The following CCDC158 variants were observed in gnomAD, a reference collection of about 807,000 sequenced individuals.
CCDC158 encodes coiled-coil domain-containing protein 158.
Under a neutral mutation model 138.6 loss-of-function variants are expected in CCDC158, and 116 were observed. The ratio of observed to expected loss-of-function variants is 0.84; its 90% CI spans 0.72 to 0.98. The LOEUF (loss-of-function observed/expected upper bound fraction) is 0.98. Ranked by LOEUF, CCDC158 falls within the 50% of genes least tolerant of loss-of-function variation. CCDC158 has a pLI of 0.00. For missense variants in CCDC158, 1,265 were observed against 1,306.1 expected (o/e 0.97, Z 0.48); for synonymous variants, 436 against 442.4 (o/e 0.99, Z 0.18).
chr4:76,376,005 T>A (rs1402935250), intron 9 of CCDC158, among the ~76,000 whole-genome samples: 1 of 152,176 alleles, frequency 6.6e-6, no homozygotes, highest in East Asian at 1.9e-4. Context: ...ATAAAACATG[T>A]TGATGTTTAA....
intron 1 of CCDC158, among the ~76,000 whole-genome samples, chr4:76,415,748 G>A (rs1397739031): frequency 2.6e-5 from 4 of 152,160 alleles, no homozygotes; most frequent in Non-Finnish European, 4.4e-5. Context: ...TGTTATGCCC[G>A]GACAGGGCCA....
At chr4:76,371,939 CAA>C (rs539607968) in intron 9 of CCDC158, among the ~76,000 whole-genome samples, 6 of 65,424 alleles carry the variant, frequency 9.2e-5, no homozygotes, top group Admixed American at 3.4e-4. Context: ...ACTACATCTC[CAA>C]AAAAAAAAAA....
At chr4:76,359,865 G>A (rs1723961768) in intron 13 of CCDC158, among the ~76,000 whole-genome samples, 1 of 152,250 alleles carries the variant, frequency 6.6e-6, no homozygotes, top group Admixed American at 6.5e-5. Context: ...ATTCAAGGCT[G>A]CAGAAATTTG....
chr4:76,410,664 T>C (rs1395211888), intron 2 of CCDC158, among the ~76,000 whole-genome samples: 1 of 152,220 alleles, frequency 6.6e-6, no homozygotes, highest in African/African-American at 2.4e-5. Flanking sequence ...CAGGTATGTT[T>C]TCCTTGGGAA....
intron 1 of CCDC158, among the ~76,000 whole-genome samples, chr4:76,414,943 C>T (rs1285847837): frequency 2.6e-5 from 4 of 152,122 alleles, no homozygotes; most frequent in East Asian, 3.8e-4. Flanking sequence ...AATGTGGACG[C>T]GACTTTGCAA....
Position 76,344,162 on chromosome 4 carries a change from G to C in CCDC158, c.2664+6834C>G, listed in dbSNP as rs903489713. Among the ~76,000 whole-genome samples, 23 of 152,092 alleles carry C rather than the reference G, an allele frequency of 1.5e-4. No individual in the cohort carries two copies. The South Asian group carries it at 1.7e-3, about 11-fold the overall frequency. ...ATAAGTAACTTCAGCAAAGTCTCAG[G>C]ATACAAAATCAATGGGCAAAAATCA... is the stretch of plus-strand genomic sequence containing the variant. On this transcript the variant is annotated intron_variant, in intron 18 of 24. Coordinates refer to ENST00000682701, the MANE Select transcript of CCDC158 (RefSeq NM_001394954.1).
intron 1 of CCDC158, among the ~76,000 whole-genome samples, chr4:76,417,165 A>G (rs1729765136): frequency 6.6e-6 from 1 of 152,176 alleles, no homozygotes; most frequent in Admixed American, 6.5e-5. Flanking sequence ...TTGTAGCTTT[A>G]AAATTTGACT....
intron 4 of CCDC158, among the ~76,000 whole-genome samples, chr4:76,389,448 A>G (rs1960932): frequency 0.029 from 4,471 of 152,198 alleles, 220 homozygotes; most frequent in African/African-American, 0.1. Context: ...GAAAACAATG[A>G]AGCACACCTA....
At chr4:76,322,546 G>A (rs943852036) in intron 24 of CCDC158, among the ~76,000 whole-genome samples, 1 of 152,166 alleles carries the variant, frequency 6.6e-6, no homozygotes, top group East Asian at 1.9e-4. Flanking sequence ...TATTAATAAG[G>A]TTAAGTTTAT....
chr4:76,325,430 C>A (rs982524319), intron 23 of CCDC158, among the ~76,000 whole-genome samples: 3 of 152,146 alleles, frequency 2.0e-5, no homozygotes, highest in Non-Finnish European at 2.9e-5. Context: ...TATCAAATAA[C>A]AAACTAACTT....
At chr4:76,400,645 T>C (rs1016449299) in intron 3 of CCDC158, among the ~76,000 whole-genome samples, 1 of 151,344 alleles carries the variant, frequency 6.6e-6, no homozygotes, top group Admixed American at 6.6e-5. Context: ...ATAAGTATTA[T>C]GGAAAACTGG....
chr4:76,389,334 T>A (rs1244464654), intron 4 of CCDC158, among the ~76,000 whole-genome samples: 1 of 151,942 alleles, frequency 6.6e-6, no homozygotes, highest in East Asian at 1.9e-4. Context: ...GAAGAATGCA[T>A]CAGATTCTCT....
chr4:76,400,656 A>G (rs1728288320), intron 3 of CCDC158, among the ~76,000 whole-genome samples: 1 of 149,532 alleles, frequency 6.7e-6, no homozygotes, highest in Non-Finnish European at 1.5e-5. Flanking sequence ...GGAAAACTGG[A>G]AAGATATCTG....
At chr4:76,393,926 G>A (rs1727536837) in intron 4 of CCDC158, among the ~76,000 whole-genome samples, 1 of 152,126 alleles carries the variant, frequency 6.6e-6, no homozygotes, top group Non-Finnish European at 1.5e-5. Context: ...GAACTACAAT[G>A]AGATATCAAC....
At chr4:76,399,487 A>G (rs1728144122) in intron 3 of CCDC158, among the ~76,000 whole-genome samples, 1 of 152,216 alleles carries the variant, frequency 6.6e-6, no homozygotes, top group South Asian at 2.1e-4. Context: ...AAATTTAAAA[A>G]TAAATAAATA....
intron 3 of CCDC158, among the ~76,000 whole-genome samples, chr4:76,397,912 A>G (rs1156965391): frequency 6.6e-6 from 1 of 152,310 alleles, no homozygotes; most frequent in South Asian, 2.1e-4. Context: ...TCCAGGTCTG[A>G]GGGAACAGGC....
intron 4 of CCDC158, among the ~76,000 whole-genome samples, chr4:76,394,501 AAGG>A (rs1233191467): frequency 6.6e-6 from 1 of 151,966 alleles, no homozygotes; most frequent in Non-Finnish European, 1.5e-5. Context: ...TGGGGGAGTG[AAGG>A]AGAAGTGGGG....
chr4:76,410,849 T>C (rs1560486549), intron 2 of CCDC158, among the ~76,000 whole-genome samples: 1 of 152,214 alleles, frequency 6.6e-6, no homozygotes, highest in African/African-American at 2.4e-5. Context: ...CTCTTTCAAG[T>C]CTCTGGATGT....
At chr4:76,379,152 A>G (rs904651970) in intron 9 of CCDC158, 138 bp downstream of exon 9, 9 of 416,532 alleles carry the variant, frequency 2.2e-5, no homozygotes, top group Admixed American at 1.6e-4. Flanking sequence ...ATAATTTAGC[A>G]TGCTCTTACT....
Sources: gnomAD v4.1 joint callset for allele counts (sites outside exome capture counted in the v4.1 genomes callset) on GRCh38, gnomAD v4.1.1 for gene constraint, MANE v1.5 for transcripts, NCBI Gene and HGNC (gene_info 2026-07-23, HGNC 2026-07-21) for gene names.